PRRX2: variants seen among roughly 807,000 people sequenced by gnomAD.
The protein encoded by PRRX2 is paired related homeobox 2.
Under a neutral mutation model 18.0 loss-of-function variants are expected in PRRX2, and 11 were observed. That is an observed-to-expected ratio of 0.61 (90% CI 0.39 to 1.01). The LOEUF (loss-of-function observed/expected upper bound fraction) is 1.01, where lower values mean the gene tolerates loss of function less well. Ranked by LOEUF, PRRX2 falls within the 50% of genes least tolerant of loss-of-function variation. The pLI, the probability that PRRX2 is intolerant of heterozygous loss-of-function variation, is 0.01. For missense variants in PRRX2, 387 were observed against 351.0 expected (o/e 1.10, Z -0.82); for synonymous variants, 177 against 154.8 (o/e 1.14, Z -1.06).
chr9:129,673,666 ACAC>A (rs1832127172), intron 1 of PRRX2, among the ~76,000 whole-genome samples: 1 of 151,786 alleles, frequency 6.6e-6, no homozygotes, highest in Non-Finnish European at 1.5e-5. Flanking sequence ...ACACACACAC[ACAC>A]ACACACACAG....
rs148999953 is a variant in PRRX2, at chr9:129,688,258, C to G, written c.259+22132C>G. 3.2e-3 allele frequency among the ~76,000 whole-genome samples: 483 copies of G among 152,150 alleles called. 5 individuals are homozygous for G. Among genetic ancestry groups the G allele is most frequent in the African/African-American group, 0.011 (464 of 41,506 alleles). On this transcript the variant is annotated intron_variant, in intron 1 of 3. Transcript: ENST00000372469. ...TTGTCTTTTTTGTAGAGATGGGGGTCTCACTCTGTTGCCCAAGCTGGTCTT... is the reference window on the plus strand; with the variant it reads ...TTGTCTTTTTTGTAGAGATGGGGGTGTCACTCTGTTGCCCAAGCTGGTCTT...
At chr9:129,699,439 A>ATGTGTGTGTGTGTGTGTGTG (rs3138854) in intron 1 of PRRX2, among the ~76,000 whole-genome samples, 2 of 145,504 alleles carry the variant, frequency 1.4e-5, no homozygotes, top group African/African-American at 5.1e-5. Flanking sequence ...AAATATATAT[A>ATGTGTGTGTGTGTGTGTGTG]TGTGTGTGTG....
chr9:129,697,542 G>T (rs1364597725), intron 1 of PRRX2, among the ~76,000 whole-genome samples: 1 of 151,220 alleles, frequency 6.6e-6, no homozygotes. Flanking sequence ...GCGCTCGCAC[G>T]CACTGGCTGG....
At chr9:129,721,482 G>A (rs147874013) in intron 3 of PRRX2, among the ~76,000 whole-genome samples, 44 of 152,226 alleles carry the variant, frequency 2.9e-4, no homozygotes, top group Non-Finnish European at 4.9e-4. Flanking sequence ...CAGGGATTTC[G>A]TGGGTCCGCT....
At chr9:129,691,414 C>T (rs1354841906) in intron 1 of PRRX2, among the ~76,000 whole-genome samples, 1 of 151,928 alleles carries the variant, frequency 6.6e-6, no homozygotes, top group Non-Finnish European at 1.5e-5. Flanking sequence ...TCATCTCTTT[C>T]TCATAATTTT....
intron 1 of PRRX2, among the ~76,000 whole-genome samples, chr9:129,696,553 G>A (rs1241524585): frequency 3.9e-5 from 6 of 152,154 alleles, no homozygotes; most frequent in Non-Finnish European, 8.8e-5. Context: ...TCCAGCCTGC[G>A]CCACAGAGTT....
chr9:129,697,534 G>A (rs1330824303), intron 1 of PRRX2, among the ~76,000 whole-genome samples: 1 of 151,184 alleles, frequency 6.6e-6, no homozygotes, highest in Non-Finnish European at 1.5e-5. Context: ...AGCGCGGCGC[G>A]CTCGCACGCA....
chr9:129,711,565 C>T (rs954931616), intron 1 of PRRX2, among the ~76,000 whole-genome samples: 2 of 151,980 alleles, frequency 1.3e-5, no homozygotes, highest in Non-Finnish European at 2.9e-5. Flanking sequence ...ACCACCACAC[C>T]CAGTTAATTT....
At chr9:129,720,885 G>T in intron 3 of PRRX2, 111 bp downstream of exon 3, 6 of 1,230,800 alleles carry the variant, frequency 4.9e-6, no homozygotes, top group Non-Finnish European at 6.4e-6. Flanking sequence ...TGGTGTCCAC[G>T]CGCCCCTGGG....
chr9:129,711,164 C>G (rs898424203), intron 1 of PRRX2, among the ~76,000 whole-genome samples: 2 of 152,122 alleles, frequency 1.3e-5, no homozygotes, highest in African/African-American at 2.4e-5. Flanking sequence ...CTTCCCATGC[C>G]GAGGTGACTC....
At chr9:129,674,765 A>G (rs1282749503) in intron 1 of PRRX2, among the ~76,000 whole-genome samples, 1 of 152,160 alleles carries the variant, frequency 6.6e-6, no homozygotes, top group African/African-American at 2.4e-5. Flanking sequence ...GCCCAGCTCT[A>G]CAGCTTGAGA....
chr9:129,708,421 G>A (rs1442547610), intron 1 of PRRX2, among the ~76,000 whole-genome samples: 1 of 152,164 alleles, frequency 6.6e-6, no homozygotes, highest in Non-Finnish European at 1.5e-5. Context: ...CCTGCTGGCT[G>A]ATGATTTTGA....
chr9:129,669,919 T>A (rs1407115133), intron 1 of PRRX2, among the ~76,000 whole-genome samples: 1 of 151,646 alleles, frequency 6.6e-6, no homozygotes, highest in Non-Finnish European at 1.5e-5. Context: ...CACATTGTCG[T>A]GCAGTCGCCA....
At chr9:129,701,501 A>T (rs1181485950) in intron 1 of PRRX2, among the ~76,000 whole-genome samples, 1 of 152,212 alleles carries the variant, frequency 6.6e-6, no homozygotes, top group Non-Finnish European at 1.5e-5. Context: ...AAAGCGGGAT[A>T]TGGTTGGGCA....
At chr9:129,682,017 T>C (rs889168330) in intron 1 of PRRX2, among the ~76,000 whole-genome samples, 4 of 152,170 alleles carry the variant, frequency 2.6e-5, no homozygotes, top group Admixed American at 2.6e-4. Context: ...CGGTACAGGC[T>C]GGTCCCTGAG....
Position 129,694,164 on chromosome 9 carries a change from G to A in PRRX2, c.260-25067G>A, listed in dbSNP as rs76584537. Among the ~76,000 whole-genome samples the A allele has an allele frequency of 6.3e-3, 963 of 152,138 alleles. 18 individuals carry two copies. Among genetic ancestry groups the A allele is most frequent in the African/African-American group, 0.022 (909 of 41,498 alleles). On this transcript the variant is annotated intron_variant, in intron 1 of 3. Transcript: ENST00000372469. ...CTGAGTGTGCTCAAAAACACCCCAC[G>A]TCTCCCCTTTAATTTTCTAAGACAG...
intron 1 of PRRX2, among the ~76,000 whole-genome samples, chr9:129,683,532 G>A (rs1447931768): frequency 6.6e-6 from 1 of 152,110 alleles, no homozygotes; most frequent in African/African-American, 2.4e-5. Flanking sequence ...TCAGGAGATC[G>A]AGACCGTCCT....
intron 1 of PRRX2, among the ~76,000 whole-genome samples, chr9:129,682,754 G>A (rs1169297253): frequency 6.6e-6 from 1 of 152,150 alleles, no homozygotes; most frequent in Non-Finnish European, 1.5e-5. Flanking sequence ...CCCAGAGAGG[G>A]GCTCCATCCT....
intron 1 of PRRX2, among the ~76,000 whole-genome samples, chr9:129,668,925 G>T (rs368434457): frequency 1.3e-5 from 2 of 151,978 alleles, no homozygotes; most frequent in African/African-American, 4.8e-5. Context: ...GAGGCAGTTG[G>T]ATCACAAGGT....
Sources: gnomAD v4.1 joint callset for allele counts (sites outside exome capture counted in the v4.1 genomes callset) on GRCh38, gnomAD v4.1.1 for gene constraint, MANE v1.5 for transcripts, NCBI Gene and HGNC (gene_info 2026-07-23, HGNC 2026-07-21) for gene names.